STAU1: variants seen among roughly 807,000 people sequenced by gnomAD.
STAU1 encodes the protein double-stranded RNA-binding protein Staufen homolog 1.
In STAU1, 13 loss-of-function variants were observed where a neutral mutation model predicts 62.9. That is an observed-to-expected ratio of 0.21 (90% CI 0.13 to 0.33). STAU1 has a LOEUF of 0.33. Ranked by LOEUF, STAU1 falls within the 10% of genes least tolerant of loss-of-function variation. The probability of loss-of-function intolerance (pLI) is 1.00; values close to 1 mark genes in which losing one functional copy is unlikely to be tolerated. For synonymous variants in STAU1, 269 were observed against 265.1 expected, an observed-to-expected ratio of 1.01 and a Z score of -0.14; for missense variants, 571 against 712.1, an observed-to-expected ratio of 0.80 and a Z score of 2.25.
In STAU1 at chr20:49,149,532, C is replaced by T. The variant is rs1418462239; in HGVS notation, c.510+2050G>A. 4.6e-5 allele frequency among the ~76,000 whole-genome samples: 7 copies of T among 152,146 alleles called. No homozygotes were observed. The East Asian group carries it at 1.3e-3, about 29-fold the overall frequency. ...CTATTGGCTGGAAGGACTAGAAATACCTACTCCATCTGACTCCAATTAGAT... is the reference window on the plus strand; with the variant it reads ...CTATTGGCTGGAAGGACTAGAAATATCTACTCCATCTGACTCCAATTAGAT... On this transcript the variant is annotated intron_variant, in intron 5 of 13. Coordinates refer to ENST00000371856, the MANE Select transcript of STAU1 (RefSeq NM_017453.4).
At chr20:49,172,743 T>C (rs2146472612) in intron 2 of STAU1, among the ~76,000 whole-genome samples, 1 of 152,236 alleles carries the variant, frequency 6.6e-6, no homozygotes, top group Middle Eastern at 3.4e-3. Flanking sequence ...AGCTTTCAAT[T>C]CCACTCCCAG....
intron 2 of STAU1, among the ~76,000 whole-genome samples, chr20:49,171,915 C>T (rs972126996): frequency 6.2e-5 from 9 of 144,968 alleles, no homozygotes; most frequent in African/African-American, 2.3e-4. Flanking sequence ...GACCAAACTA[C>T]TTTAAAAAAA....
rs544078417 is a variant in STAU1, at chr20:49,156,430, CAAGTT to C, written c.206-2364_206-2360del. On this transcript the variant is annotated intron_variant, in intron 3 of 13. Transcript: ENST00000371856. ...GTAGAATCTGTGCTTTCAAAATCAACAAGTTAAGAAACCATTCATATACATACTAC... is the reference window on the plus strand; with the variant it reads ...GTAGAATCTGTGCTTTCAAAATCAACAAGAAACCATTCATATACATACTAC... 4.4e-4 allele frequency among the ~76,000 whole-genome samples: 67 copies of C among 152,168 alleles called. No homozygotes were observed. In the East Asian group the frequency reaches 5.0e-3, roughly 11 times the overall value.
intron 2 of STAU1, among the ~76,000 whole-genome samples, chr20:49,172,128 G>C (rs2093604781): frequency 6.6e-6 from 1 of 152,150 alleles, no homozygotes; most frequent in Non-Finnish European, 1.5e-5. Flanking sequence ...CCAATGCCAT[G>C]GGCAATGGAG....
intron 2 of STAU1, among the ~76,000 whole-genome samples, chr20:49,173,772 C>A (rs1270645026): frequency 6.6e-6 from 1 of 152,156 alleles, no homozygotes; most frequent in Non-Finnish European, 1.5e-5. Context: ...TAGTGGTCAA[C>A]GAAGCTTGAT....
At chr20:49,218,941 G>A in the STAU1 span, among the ~76,000 whole-genome samples, 3 of 149,278 alleles carry the variant, frequency 2.0e-5, no homozygotes, top group Non-Finnish European at 4.4e-5. Flanking sequence ...GCTTGAGCCC[G>A]GGAAGTCGGG....
Position 49,124,544 on chromosome 20 carries a change from G to C in STAU1, c.653C>G (p.Thr218Ser), listed in dbSNP as rs779323430. 84 of 1,613,894 alleles carry C rather than the reference G, an allele frequency of 5.2e-5. No individual in the cohort carries two copies. The highest frequency in any genetic ancestry group is 7.0e-5 in the Non-Finnish European group (83 of 1,180,006). Residue 218 changes from threonine (T) to serine (S), a missense_variant, in exon 7 of 14, where the codon ACC becomes AGC. Physicochemically the swap from Thr to Ser is moderately conservative, Grantham distance 58. Around this residue, in one of 3 missense-constraint regions of STAU1, gnomAD observed 414 missense variants for 499.6 expected, o/e 0.83. Transcript: ENST00000371856. ...SGPPHMKNFV[T>S]KVSVGEFVGE... is the part of the protein sequence containing the mutation. ...CACAAACTCCCCAACCGAAACCTTG[G>C]TCACAAAGTTCTTCATGTGGGGTGG...
the STAU1 span, among the ~76,000 whole-genome samples, chr20:49,213,346 T>G: frequency 6.6e-6 from 1 of 151,992 alleles, no homozygotes; most frequent in Non-Finnish European, 1.5e-5. Context: ...TTCTCCTGTC[T>G]CAGCCTCCTG....
chr20:49,178,801 C>T (rs747746746), intron 1 of STAU1, among the ~76,000 whole-genome samples: 6 of 149,426 alleles, frequency 4.0e-5, no homozygotes, highest in Admixed American at 6.7e-5. Context: ...TGGCCGGGCG[C>T]GGTGGCTCAC....
chr20:49,167,898 A>T (rs1198264858), intron 2 of STAU1, among the ~76,000 whole-genome samples: 2 of 152,126 alleles, frequency 1.3e-5, no homozygotes, highest in African/African-American at 4.8e-5. Flanking sequence ...AGCTAGGAGT[A>T]AAGTATCTGC....
At chr20:49,204,591 A>ATT in the STAU1 span, among the ~76,000 whole-genome samples, 1 of 45,852 alleles carries the variant, frequency 2.2e-5, no homozygotes, top group African/African-American at 9.4e-5. Context: ...TGGATTTTAC[A>ATT]TTATATATAT....
At chr20:49,159,116 G>C (rs2093411436) in intron 3 of STAU1, 1 of 1,113,450 alleles carries the variant, frequency 9.0e-7, no homozygotes. Flanking sequence ...CTTGGTGATT[G>C]TCTCATGGAT....
chr20:49,173,783 T>G (rs1439149018), intron 2 of STAU1, among the ~76,000 whole-genome samples: 2 of 152,222 alleles, frequency 1.3e-5, no homozygotes, highest in Non-Finnish European at 1.5e-5. Flanking sequence ...GAAGCTTGAT[T>G]CGTAACCCTA....
intron 3 of STAU1, among the ~76,000 whole-genome samples, chr20:49,156,264 C>A (rs2093354986): frequency 6.6e-6 from 1 of 152,114 alleles, no homozygotes; most frequent in Non-Finnish European, 1.5e-5. Context: ...CTTCGGAAAT[C>A]TTTGAAATTA....
intron 1 of STAU1, among the ~76,000 whole-genome samples, chr20:49,185,503 C>A (rs1371680404): frequency 1.3e-5 from 2 of 152,166 alleles, no homozygotes; most frequent in African/African-American, 4.8e-5. Context: ...GGAAGCCCAA[C>A]AAACAAAAAT....
the STAU1 span, among the ~76,000 whole-genome samples, chr20:49,193,987 TG>T: frequency 3.4e-5 from 5 of 148,368 alleles, no homozygotes; most frequent in African/African-American, 1.2e-4. Flanking sequence ...AAAAAAAAAG[TG>T]GTATTTCAAA....
At chr20:49,128,017 C>T (rs1405535391) in intron 6 of STAU1, among the ~76,000 whole-genome samples, 6 of 152,086 alleles carry the variant, frequency 3.9e-5, no homozygotes, top group Non-Finnish European at 8.8e-5. Context: ...GGCGTGGTAG[C>T]GCATGCCCAT....
chr20:49,181,951 T>C (rs76780704), intron 1 of STAU1, among the ~76,000 whole-genome samples: 1 of 152,290 alleles, frequency 6.6e-6, no homozygotes, highest in East Asian at 1.9e-4. Context: ...TTTGCTTCCA[T>C]TACTGTTATA....
intron 3 of STAU1, among the ~76,000 whole-genome samples, chr20:49,161,298 C>A (rs2093444483): frequency 6.6e-6 from 1 of 152,104 alleles, no homozygotes; most frequent in African/African-American, 2.4e-5. Context: ...CTCACTCCAG[C>A]CTAGGCGGCA....
Sources: allele counts gnomAD v4.1 joint callset (sites outside exome capture counted in the v4.1 genomes callset), GRCh38; gene constraint gnomAD v4.1.1; regional missense constraint gnomAD v4.1.1; transcripts MANE v1.5; gene names NCBI Gene and HGNC (gene_info 2026-07-23, HGNC 2026-07-21).